The following TJP2 variants were observed in gnomAD, a reference collection of about 807,000 sequenced individuals.
The protein encoded by TJP2 is Friedreich ataxia region gene X104 (tight junction protein ZO-2).
In TJP2, 91 loss-of-function variants were observed where a neutral mutation model predicts 133.1. That is an observed-to-expected ratio of 0.68 (90% CI 0.58 to 0.81). The LOEUF is 0.81. Among genes scored for constraint, TJP2 ranks in the 40% least tolerant of loss-of-function variants. The probability of loss-of-function intolerance (pLI) is 0.00; values close to 1 mark genes in which losing one functional copy is unlikely to be tolerated. For synonymous variants in TJP2, 592 were observed against 583.4 expected (o/e 1.01, Z -0.21); for missense variants, 1,541 against 1,565.6 (o/e 0.98, Z 0.26).
Position 69,221,484 on chromosome 9 carries a change from A to C in TJP2, c.940A>C (p.Arg314=), listed in dbSNP as rs749279964. ...GPIGVLLMKS[R]ANEEYGLRLG... is the part of the protein sequence containing the mutation. ...CATCGGGGTCCTCCTGATGAAAAGC[A>C]GAGCGAACGAAGGTAGGCATGCTTG... The change falls in exon 5 of 23, where the codon AGA becomes CGA. Residue 314 remains arginine, a synonymous_variant. Coordinates refer to ENST00000377245, the MANE Select transcript of TJP2 (RefSeq NM_004817.4). 3.1e-6 allele frequency: 5 copies of C among 1,602,576 alleles called. No individual in the cohort carries two copies. The African/African-American group carries it at 4.0e-5, about 13-fold the overall frequency.
chr9:69,216,474 TC>T lies in TJP2; in HGVS notation c.239+14del, dbSNP rs764370644. The T allele has an allele frequency of 1.3e-4, 205 of 1,613,950 alleles. 2 individuals carry two copies. The Admixed American group carries it at 3.4e-3, about 27-fold the overall frequency. On this transcript the variant is annotated intron_variant, in intron 3 of 22. Transcript: ENST00000377245. The stretch of plus-strand genomic sequence containing the variant: ...TGATGGGCTGCTCCAGTGAGTGTCC[TC>T]CCTCGCTCCGCAGCCCCTACCAGCC...
intron 1 of TJP2, among the ~76,000 whole-genome samples, chr9:69,210,291 C>G (rs1191904983): frequency 6.9e-5 from 3 of 43,494 alleles, no homozygotes; most frequent in East Asian, 1.2e-3. Flanking sequence ...CCCGTCCCCC[C>G]CCCCCCCCAA....
At chr9:69,134,613 T>C (rs922734309) in intron 1 of TJP2, among the ~76,000 whole-genome samples, 2 of 152,040 alleles carry the variant, frequency 1.3e-5, no homozygotes, top group Admixed American at 6.6e-5. Flanking sequence ...GCTGAAGTGC[T>C]CCACTCAAGC....
chr9:69,144,414 C>T (rs1312959247), intron 1 of TJP2, among the ~76,000 whole-genome samples: 4 of 152,114 alleles, frequency 2.6e-5, no homozygotes, highest in African/African-American at 9.7e-5. Context: ...CATAATGGCT[C>T]CCCTTCTATT....
At chr9:69,253,823 G>C in intron 22 of TJP2, 1 of 306,496 alleles carries the variant, frequency 3.3e-6, no homozygotes, top group East Asian at 8.3e-5. Flanking sequence ...TTCTTTACCA[G>C]CTGAGTGGTA....
chr9:69,174,520 G>A lies in TJP2; in HGVS notation c.60+88G>A. The A allele has an allele frequency of 4.3e-6, 6 of 1,405,690 alleles. No individual in the cohort carries two copies. In the South Asian group the frequency reaches 4.9e-5, roughly 12 times the overall value. 87.1% of individuals were successfully genotyped at this position (1,405,690 alleles called of 1,614,324 possible). Reference sequence around the variant, plus strand: ...GGGGGCTCTGCTCGCGTGCTGCTCTGAAGTTGTTCCCCGATGCGCCGTAGG... The same window carrying A: ...GGGGGCTCTGCTCGCGTGCTGCTCTAAAGTTGTTCCCCGATGCGCCGTAGG... On this transcript the variant is annotated intron_variant, in intron 1 of 22. Transcript: ENST00000377245.
chr9:69,213,151 C>T lies in TJP2; in HGVS notation c.114+550C>T, dbSNP rs1828069479. ...CAATTTCGGCTCAGCGCAACCTCCGCCTCCCGGGTTCAAGCAATTTTCCTG... is the reference window on the plus strand; with the variant it reads ...CAATTTCGGCTCAGCGCAACCTCCGTCTCCCGGGTTCAAGCAATTTTCCTG... On this transcript the variant is annotated intron_variant, in intron 2 of 22. Transcript: ENST00000377245. 2.6e-5 allele frequency among the ~76,000 whole-genome samples: 4 copies of T among 151,408 alleles called. No individual in the cohort carries two copies. In the South Asian group the frequency reaches 8.3e-4, roughly 32 times the overall value.
At chr9:69,137,183 C>T (rs1822769995) in intron 1 of TJP2, among the ~76,000 whole-genome samples, 1 of 143,310 alleles carries the variant, frequency 7.0e-6, no homozygotes, top group Non-Finnish European at 1.5e-5. Flanking sequence ...TCCAGCTGCC[C>T]ACACTCTTCA....
intron 1 of TJP2, among the ~76,000 whole-genome samples, chr9:69,210,641 C>T (rs1022484875): frequency 7.9e-5 from 12 of 151,968 alleles, no homozygotes; most frequent in Non-Finnish European, 1.6e-4. Flanking sequence ...CACTTTTGGG[C>T]TGCTTGCGTC....
intron 4 of TJP2, 143 bp downstream of exon 4, chr9:69,218,502 G>T: frequency 1.4e-6 from 1 of 714,036 alleles, no homozygotes; most frequent in Non-Finnish European, 2.6e-6. Context: ...CTTTTGGAGG[G>T]GTGTGAAGAT....
intron 17 of TJP2, among the ~76,000 whole-genome samples, chr9:69,241,247 T>C (rs1380748227): frequency 6.6e-6 from 1 of 152,252 alleles, no homozygotes; most frequent in Non-Finnish European, 1.5e-5. Flanking sequence ...GCACTGTCTA[T>C]ATAAATGATT....
intron 1 of TJP2, among the ~76,000 whole-genome samples, chr9:69,175,394 G>A (rs555022729): frequency 6.6e-6 from 1 of 152,288 alleles, no homozygotes; most frequent in East Asian, 1.9e-4. Context: ...GTCTGTGCTG[G>A]GTGTGCTGAC....
chr9:69,158,327 CAAAAAAAA>C (rs1156502519), intron 2 of TJP2, among the ~76,000 whole-genome samples: 350 of 52,802 alleles, frequency 6.6e-3, no homozygotes, highest in African/African-American at 0.026. Context: ...GACTTTGCCT[CAAAAAAAA>C]AAAAAAAAAA....
At chr9:69,247,311 C>T (rs983543964) in intron 18 of TJP2, among the ~76,000 whole-genome samples, 2 of 152,180 alleles carry the variant, frequency 1.3e-5, no homozygotes, top group East Asian at 1.9e-4. Flanking sequence ...GCTTCTCCCT[C>T]GGGGAGATAG....
chr9:69,207,649 T>TA, intron 1 of TJP2, among the ~76,000 whole-genome samples: 1 of 152,200 alleles, frequency 6.6e-6, no homozygotes, highest in East Asian at 1.9e-4. Context: ...GGCCTGCCTG[T>TA]AAAGCTCCCC....
rs1458386590 is a variant in TJP2 at position 69,212,682 on chromosome 9, C to T, written c.114+81C>T. 2.3e-6 allele frequency: 3 copies of T among 1,277,166 alleles called. No individual in the cohort carries two copies. The African/African-American group carries it at 4.4e-5, about 19-fold the overall frequency. 79.1% of individuals were successfully genotyped at this position (1,277,166 alleles called of 1,614,324 possible). On this transcript the variant is annotated intron_variant, in intron 2 of 22. Transcript: ENST00000377245. ...TGGATCTTATTTATTTTCACCTACA[C>T]ACAGTTTTGGCTTTTTTTTTCCCTT...
At chr9:69,183,531 A>G (rs1564411720) in intron 1 of TJP2, among the ~76,000 whole-genome samples, 1 of 152,092 alleles carries the variant, frequency 6.6e-6, no homozygotes, top group Non-Finnish European at 1.5e-5. Context: ...TTTGCCACTG[A>G]GTCGTATTCC....
chr9:69,223,652 CAG>C (rs10540312), intron 5 of TJP2, among the ~76,000 whole-genome samples: 42,862 of 152,016 alleles, frequency 0.28, 7,606 homozygotes, highest in African/African-American at 0.51. Flanking sequence ...TGAAAAATGC[CAG>C]AGAGATGTTA....
At chr9:69,175,542 A>G (rs1172755889) in intron 1 of TJP2, among the ~76,000 whole-genome samples, 2 of 152,254 alleles carry the variant, frequency 1.3e-5, no homozygotes, top group African/African-American at 2.4e-5. Context: ...GCAAAGTACC[A>G]CTGCATATCC....
Sources: gnomAD v4.1 joint callset for allele counts (sites outside exome capture counted in the v4.1 genomes callset) on GRCh38, gnomAD v4.1.1 for gene constraint, MANE v1.5 for transcripts, NCBI Gene and HGNC (gene_info 2026-07-23, HGNC 2026-07-21) for gene names.